PCSK2: variants seen among roughly 807,000 people sequenced by gnomAD.
The protein encoded by PCSK2 is proprotein convertase subtilisin/kexin type 2.
A neutral mutation model predicts 69.7 loss-of-function variants in PCSK2; 14 were observed. That is an observed-to-expected ratio of 0.20 (90% CI 0.13 to 0.31). PCSK2 has a LOEUF of 0.31. Ranked by LOEUF, PCSK2 falls within the 10% of genes least tolerant of loss-of-function variation. The pLI is 1.00. For synonymous variants in PCSK2, 307 were observed against 320.7 expected, an observed-to-expected ratio of 0.96 and a Z score of 0.46; for missense variants, 544 against 842.5, an observed-to-expected ratio of 0.65 and a Z score of 4.39.
At chr20:17,329,974 A>G (rs1381887917) in intron 2 of PCSK2, among the ~76,000 whole-genome samples, 1 of 152,254 alleles carries the variant, frequency 6.6e-6, no homozygotes, top group Non-Finnish European at 1.5e-5. Context: ...ACAACTGTGT[A>G]CATAATATGA....
At chr20:17,304,120 A>C (rs1232906647) in intron 2 of PCSK2, among the ~76,000 whole-genome samples, 1 of 152,030 alleles carries the variant, frequency 6.6e-6, no homozygotes, top group Admixed American at 6.6e-5. Flanking sequence ...AAATGGAGAT[A>C]ATAAGCATAA....
chr20:17,411,415 C>G (rs530332440), intron 6 of PCSK2, among the ~76,000 whole-genome samples: 1 of 152,146 alleles, frequency 6.6e-6, no homozygotes, highest in Non-Finnish European at 1.5e-5. Flanking sequence ...GCCCATGGAG[C>G]TTTGCTCACT....
intron 7 of PCSK2, 83 bp downstream of exon 7, chr20:17,429,606 C>G: frequency 1.1e-6 from 1 of 901,338 alleles, no homozygotes; most frequent in Non-Finnish European, 1.7e-6. Flanking sequence ...AAAAATCCCA[C>G]TGGTGCAGAA....
chr20:17,284,661 CCCGATGTGCATGGCAA>C (rs1424574870), intron 2 of PCSK2, among the ~76,000 whole-genome samples: 1 of 152,152 alleles, frequency 6.6e-6, no homozygotes, highest in African/African-American at 2.4e-5. Flanking sequence ...AGGTTTGTTG[CCCGATGTGCATGGCAA>C]ATCAATATGC....
At chr20:17,458,970 G>C (rs992651216) in intron 10 of PCSK2, among the ~76,000 whole-genome samples, 3 of 152,084 alleles carry the variant, frequency 2.0e-5, no homozygotes, top group African/African-American at 7.2e-5. Context: ...TGGTCCTAGA[G>C]GGTGAGCTAG....
intron 6 of PCSK2, among the ~76,000 whole-genome samples, chr20:17,414,802 C>G (rs1473410253): frequency 6.6e-6 from 1 of 152,162 alleles, no homozygotes; most frequent in Non-Finnish European, 1.5e-5. Context: ...TACTGGCAAA[C>G]CAAATCCAGC....
At chr20:17,382,942 T>C (rs1050074158) in intron 5 of PCSK2, among the ~76,000 whole-genome samples, 1 of 152,190 alleles carries the variant, frequency 6.6e-6, no homozygotes, top group South Asian at 2.1e-4. Context: ...TCAACTTATA[T>C]TGCACACCCT....
rs537880486 is a variant in PCSK2, at chr20:17,346,216, G to A, written c.283-12111G>A. Among the ~76,000 whole-genome samples, 3 of 152,280 alleles carry A rather than the reference G, an allele frequency of 2.0e-5. No individual in the cohort carries two copies. The South Asian group carries it at 6.2e-4, about 32-fold the overall frequency. ...CTTTTGGAACCTGTATTCCTGGGTG[G>A]TGCTGGAGCCATTCATTCCTAGCCA... On this transcript the variant is annotated intron_variant, in intron 2 of 11. Coordinates refer to ENST00000262545, the MANE Select transcript of PCSK2 (RefSeq NM_002594.5).
rs1287184967 is a variant in PCSK2, at chr20:17,453,817, G to A, written c.961G>A (p.Gly321Ser). ...CAGCTATGACGACTGCAACTGCGAC[G>A]GCTACGCCTCCAGCATGTGGACCAT... ...GGSYDDCNCD[G>S]YASSMWTISI... The change falls in exon 9 of 12, where the codon GGC (glycine) becomes AGC (serine). Residue 321 changes from glycine (G) to serine (S), a missense_variant. By Grantham distance (56) the Gly-to-Ser change is moderately conservative. Around this residue, in one of 3 missense-constraint regions of PCSK2, gnomAD observed 187 missense variants for 399.8 expected, o/e 0.47. Coordinates refer to ENST00000262545, the MANE Select transcript of PCSK2 (RefSeq NM_002594.5). The surrounding 1 kb of genome is among the most constrained non-coding windows in gnomAD (Gnocchi z 4.0). 1 of 1,614,080 alleles carries A rather than the reference G, an allele frequency of 6.2e-7. No individual in the cohort carries two copies. The highest frequency in any genetic ancestry group is 1.3e-5 in the African/African-American group (1 of 74,934).
chr20:17,327,884 T>G (rs1990108734), intron 2 of PCSK2, among the ~76,000 whole-genome samples: 1 of 152,234 alleles, frequency 6.6e-6, no homozygotes, highest in Admixed American at 6.5e-5. Context: ...TACAATTCAG[T>G]GCTTCCAAAT....
chr20:17,396,023 G>T (rs2031502372), intron 5 of PCSK2, among the ~76,000 whole-genome samples: 1 of 152,156 alleles, frequency 6.6e-6, no homozygotes, highest in African/African-American at 2.4e-5. Flanking sequence ...AAGGCAAGCA[G>T]AACTCTCACA....
At chr20:17,256,064 A>T (rs1030443538) in intron 1 of PCSK2, among the ~76,000 whole-genome samples, 14 of 152,324 alleles carry the variant, frequency 9.2e-5, no homozygotes, top group Non-Finnish European at 1.8e-4. Flanking sequence ...AGTAGAACTA[A>T]TCAGGATTAG....
intron 2 of PCSK2, among the ~76,000 whole-genome samples, chr20:17,340,456 C>CA (rs1258287947): frequency 1.3e-5 from 2 of 152,204 alleles, no homozygotes; most frequent in African/African-American, 4.8e-5. Context: ...TTGCTGCTTT[C>CA]AAACCAGATT....
At chr20:17,352,189 A>G (rs12625092) in intron 2 of PCSK2, among the ~76,000 whole-genome samples, 33,714 of 152,134 alleles carry the variant, frequency 0.22, 4,343 homozygotes, top group East Asian at 0.54. Context: ...CACTGCTGAA[A>G]AAAGTCATAG....
intron 11 of PCSK2, among the ~76,000 whole-genome samples, chr20:17,470,045 G>T (rs1314434497): frequency 6.6e-6 from 1 of 152,172 alleles, no homozygotes; most frequent in African/African-American, 2.4e-5. Flanking sequence ...AAAGAGACAA[G>T]ACTGGGAACC....
intron 4 of PCSK2, among the ~76,000 whole-genome samples, chr20:17,362,519 G>A (rs1165919701): frequency 1.3e-5 from 2 of 152,166 alleles, no homozygotes; most frequent in Non-Finnish European, 2.9e-5. Context: ...CCAATGGGAG[G>A]CTGAAAAGGC....
intron 8 of PCSK2, among the ~76,000 whole-genome samples, chr20:17,448,184 C>T (rs1231421632): frequency 6.6e-6 from 1 of 152,178 alleles, no homozygotes; most frequent in Non-Finnish European, 1.5e-5. Flanking sequence ...CCAGGCTTGC[C>T]TCACCAGGGG....
intron 9 of PCSK2, among the ~76,000 whole-genome samples, chr20:17,454,923 G>A (rs563541160): frequency 6.6e-6 from 1 of 152,304 alleles, no homozygotes; most frequent in East Asian, 1.9e-4. Flanking sequence ...AAGGGACGCA[G>A]ACCTTAAAAG....
chr20:17,300,658 T>C (rs1989050308), intron 2 of PCSK2, among the ~76,000 whole-genome samples: 1 of 152,232 alleles, frequency 6.6e-6, no homozygotes, highest in African/African-American at 2.4e-5. Context: ...GTCTCAGTTT[T>C]TATAGTGAGA....
Sources: gnomAD v4.1 joint callset for allele counts (sites outside exome capture counted in the v4.1 genomes callset) on GRCh38, gnomAD v4.1.1 for gene constraint, gnomAD v4.1.1 regional missense constraint, Gnocchi (gnomAD v3.1) non-coding constraint, MANE v1.5 for transcripts, NCBI Gene and HGNC (gene_info 2026-07-23, HGNC 2026-07-21) for gene names.